PCM1: variants seen among roughly 807,000 people sequenced by gnomAD.
The protein encoded by PCM1 is pericentriolar material 1, also known as pericentriolar material 1 protein.
Under a neutral mutation model 241.9 loss-of-function variants are expected in PCM1, and 157 were observed. That is an observed-to-expected ratio of 0.65 (90% CI 0.57 to 0.74). The LOEUF (loss-of-function observed/expected upper bound fraction) is 0.74. PCM1 is among the 30% of genes least tolerant of loss of function. The pLI is 0.00. For synonymous variants in PCM1, 1,085 were observed against 784.9 expected (o/e 1.38, Z -6.39); for missense variants, 3,478 against 2,360.1 (o/e 1.47, Z -9.81).
In PCM1 at chr8:18,018,852, GTA is replaced by G. The variant is rs71519940; in HGVS notation, c.5841+4039_5841+4040del. Among the ~76,000 whole-genome samples, 287 of 53,680 alleles carry G rather than the reference GTA, an allele frequency of 5.3e-3. 2 individuals carry two copies. The highest frequency in any genetic ancestry group is 0.048 in the Middle Eastern group (4 of 84). The allele number at this position is 53,680 out of a possible 152,430, so 35.2% of individuals were successfully genotyped here. A position where few individuals can be genotyped will look rare whatever the true frequency, so the allele number is the denominator to read the frequency against. On this transcript the variant is annotated intron_variant, in intron 36 of 38. Coordinates refer to ENST00000325083, the MANE Select transcript of PCM1 (RefSeq NM_006197.4). The stretch of plus-strand genomic sequence containing the variant: ...TATATATATATATGTGTGTGTGTGT[GTA>G]TATATATATATATATATATATATAT...
At chr8:17,962,008 A>C (rs369452616) in intron 15 of PCM1, 26 bp from the exon 16 acceptor site, 11 of 1,590,356 alleles carry the variant, frequency 6.9e-6, no homozygotes, top group Non-Finnish European at 9.4e-6. Flanking sequence ...AATTCCTCAT[A>C]ACGTTTTTTG....
At position 17,985,435 on chromosome 8, in the gene PCM1, T is replaced by C; in HGVS notation, c.4109-12T>C. 1 of 1,539,578 alleles carries C rather than the reference T, an allele frequency of 6.5e-7. No homozygotes were observed. The highest frequency in any genetic ancestry group is 8.8e-7 in the Non-Finnish European group (1 of 1,139,614). ...CATCAATATTAACTTTCTGGTCTTT[T>C]ATGTATTCCAGAAACTGGGAGTGAT... On this transcript the variant is annotated splice_polypyrimidine_tract_variant and intron_variant, in intron 24 of 38. Coordinates refer to ENST00000325083, the MANE Select transcript of PCM1 (RefSeq NM_006197.4).
At chr8:17,939,569 C>A in intron 5 of PCM1, 122 bp from the exon 6 acceptor site, 2 of 488,100 alleles carry the variant, frequency 4.1e-6, no homozygotes, top group Non-Finnish European at 7.0e-6. Context: ...CACAATAATC[C>A]AAGTGTCTTT....
Position 17,957,547 on chromosome 8 carries a change from A to T in PCM1, c.1812A>T (p.Arg604=), listed in dbSNP as rs956322228. ...ALNMPPSLDC[R]YNREGEQEIH... ...TATACATGTTTTCAGCAGATTGTCG[A>T]TATAATAGAGAAGGGGAACAGGAGA... is the stretch of plus-strand genomic sequence containing the variant. The change falls in exon 13 of 39, where the codon CGA becomes CGT. Residue 604 remains arginine (R), a synonymous_variant. Transcript: ENST00000325083. 10 of 1,584,224 alleles carry T rather than the reference A, an allele frequency of 6.3e-6. No individual in the cohort carries two copies. Among genetic ancestry groups the T allele is most frequent in the Non-Finnish European group, 8.6e-6 (10 of 1,163,180 alleles).
intron 21 of PCM1, among the ~76,000 whole-genome samples, chr8:17,969,238 A>G (rs995296294): frequency 6.6e-6 from 1 of 152,088 alleles, no homozygotes; most frequent in Admixed American, 6.6e-5. Context: ...TGCAGTATCT[A>G]TTTTATAAGT....
chr8:18,005,939 T>C (rs900326580), intron 29 of PCM1: 2 of 196,246 alleles, frequency 1.0e-5, no homozygotes, highest in African/African-American at 4.6e-5. Flanking sequence ...ACAGAAAGAT[T>C]GGCAAAATGG....
At position 17,989,973 on chromosome 8, in the gene PCM1, G is replaced by T; in HGVS notation, c.4525G>T (p.Asp1509Tyr). ...AAATTTTGAGCCTTTTGCAACAGAT[G>T]ATCTAGGTAAGCAGAATTGTTTATA... ...SSNFEPFATD[D>Y]LGNTVIHLDQ... Residue 1509 changes from aspartate (D) to tyrosine (Y), a missense_variant, in exon 27 of 39, where the codon GAT becomes TAT. By Grantham distance (160) the Asp-to-Tyr change is radical (BLOSUM62 -3). Transcript: ENST00000325083. 1.3e-6 allele frequency: 2 copies of T among 1,530,234 alleles called. No individual in the cohort carries two copies. Among genetic ancestry groups the T allele is most frequent in the Non-Finnish European group, 1.8e-6 (2 of 1,137,640 alleles). 94.8% of individuals were successfully genotyped at this position (1,530,234 alleles called of 1,614,324 possible).
rs753312364 is a variant in PCM1 at position 17,938,877 on chromosome 8, C to A, written c.480C>A (p.Pro160=). The change falls in exon 5 of 39, where the codon CCC becomes CCA. Residue 160 remains proline (P), a synonymous_variant. Transcript: ENST00000325083. ...TNKSKDASTN[P]PNRETIGSAQ... ...AGAGCAAAGATGCATCTACAAACCC[C>A]CCAAACAGAGAAACGATTGGATCAG... 12 of 1,613,610 alleles carry A rather than the reference C, an allele frequency of 7.4e-6. No homozygotes were observed. In the Admixed American group the frequency reaches 1.2e-4, roughly 16 times the overall value.
intron 33 of PCM1, 49 bp downstream of exon 33, chr8:18,011,415 T>C (rs1339687320): frequency 4.2e-6 from 6 of 1,422,800 alleles, no homozygotes; most frequent in Non-Finnish European, 5.6e-6. Flanking sequence ...TTTTTGTAGG[T>C]CATTTATTGG....
intron 28 of PCM1, 90 bp downstream of exon 28, chr8:17,991,790 G>A (rs1453466855): frequency 1.1e-6 from 1 of 937,762 alleles, no homozygotes; most frequent in African/African-American, 1.7e-5. Flanking sequence ...CTGAGATTTT[G>A]GTGCACCCAT....
At chr8:17,944,859 A>T (rs1460924895) in intron 6 of PCM1, among the ~76,000 whole-genome samples, 4 of 152,164 alleles carry the variant, frequency 2.6e-5, no homozygotes, top group Non-Finnish European at 5.9e-5. Flanking sequence ...TCATTTTTAG[A>T]TTAGTGAGAA....
In PCM1 at chr8:17,992,833, C is replaced by T. The variant is rs567001632; in HGVS notation, c.4691-650C>T. Among the ~76,000 whole-genome samples the T allele has an allele frequency of 1.1e-3, 167 of 151,660 alleles. 1 individual carries two copies. The highest frequency in any genetic ancestry group is 3.8e-3 in the African/African-American group (159 of 41,418). On this transcript the variant is annotated intron_variant, in intron 28 of 38. Coordinates refer to ENST00000325083, the MANE Select transcript of PCM1 (RefSeq NM_006197.4). The stretch of plus-strand genomic sequence containing the variant: ...GATTTCAGCATATTGTCCAGGCTGG[C>T]CTTGAACTCCTGGTCTCAAGTGATC...
Position 17,972,413 on chromosome 8 carries a change from T to C in PCM1, c.3669T>C (p.Phe1223=), listed in dbSNP as rs756537329. 28 of 1,611,352 alleles carry C rather than the reference T, an allele frequency of 1.7e-5. No homozygotes were observed. The highest frequency in any genetic ancestry group is 2.3e-5 in the Non-Finnish European group (27 of 1,178,414). ...AAGAAGGTGAAGTAGAGAAACCATT[T>C]ATCAAGACTGGATTTTCAGTGTCTG... is the stretch of plus-strand genomic sequence containing the variant. ...YEQEGEVEKP[F]IKTGFSVSVE... is the part of the protein sequence containing the mutation. Residue 1223 remains phenylalanine, a synonymous_variant, in exon 23 of 39, where the codon TTT becomes TTC. Coordinates refer to ENST00000325083, the MANE Select transcript of PCM1 (RefSeq NM_006197.4).
In PCM1 at chr8:17,997,437, C is replaced by T. The variant is rs1169119293; in HGVS notation, c.4827+3818C>T. 2.6e-5 allele frequency among the ~76,000 whole-genome samples: 4 copies of T among 152,052 alleles called. No individual in the cohort carries two copies. The East Asian group carries it at 7.7e-4, about 29-fold the overall frequency. On this transcript the variant is annotated intron_variant, in intron 29 of 38. Coordinates refer to ENST00000325083, the MANE Select transcript of PCM1 (RefSeq NM_006197.4). ...TACTTGAATGTTGTTAAGCTTACTA[C>T]CTCTGTCTCTCTCTACCCCCTCTTT...
intron 6 of PCM1, chr8:17,940,064 A>C (rs1380407836): frequency 2.5e-6 from 4 of 1,577,488 alleles, no homozygotes; most frequent in Non-Finnish European, 2.6e-6. Context: ...GAGGAGGAGG[A>C]TGTTCGGACT....
At chr8:17,942,681 T>C (rs1481844555) in intron 6 of PCM1, among the ~76,000 whole-genome samples, 1 of 151,816 alleles carries the variant, frequency 6.6e-6, no homozygotes, top group African/African-American at 2.4e-5. Flanking sequence ...TAAAGACAAC[T>C]ATTTGTAGTT....
intron 36 of PCM1, among the ~76,000 whole-genome samples, chr8:18,021,480 T>C (rs2093749410): frequency 6.6e-6 from 1 of 152,184 alleles, no homozygotes; most frequent in African/African-American, 2.4e-5. Flanking sequence ...GCAAGATAGA[T>C]TGGGACTTAC....
chr8:17,983,347 A>G (rs755551739), intron 24 of PCM1: 4 of 1,057,746 alleles, frequency 3.8e-6, no homozygotes, highest in African/African-American at 1.6e-5. Context: ...CATTGGTCCT[A>G]AAGGTTTTAT....
rs902221081 is a variant in PCM1 at position 17,981,178 on chromosome 8, A to G, written c.4108+423A>G. 2.0e-5 allele frequency among the ~76,000 whole-genome samples: 3 copies of G among 152,138 alleles called. No homozygotes were observed. In the East Asian group the frequency reaches 5.8e-4, roughly 29 times the overall value. The stretch of plus-strand genomic sequence containing the variant: ...CCTGCCTCTCCAGACTCATTTCTCA[A>G]CACACTCTGCCTTGAACTTTTTTCT... On this transcript the variant is annotated intron_variant, in intron 24 of 38. Coordinates refer to ENST00000325083, the MANE Select transcript of PCM1 (RefSeq NM_006197.4).
Sources: allele counts gnomAD v4.1 joint callset (sites outside exome capture counted in the v4.1 genomes callset), GRCh38; gene constraint gnomAD v4.1.1; transcripts MANE v1.5; gene names NCBI Gene and HGNC (gene_info 2026-07-23, HGNC 2026-07-21).